CFAP77: variants seen among roughly 807,000 people sequenced by gnomAD.
CFAP77 encodes cilia- and flagella-associated protein 77.
A neutral mutation model predicts 31.1 loss-of-function variants in CFAP77; 25 were observed. The ratio of observed to expected loss-of-function variants is 0.80; its 90% CI spans 0.59 to 1.12. The LOEUF (loss-of-function observed/expected upper bound fraction) is 1.12. Among genes scored for constraint, CFAP77 ranks in the 50% most tolerant of loss-of-function variants. CFAP77 has a pLI of 0.00. For missense variants in CFAP77, 377 were observed against 397.3 expected (o/e 0.95, Z 0.44); for synonymous variants, 151 against 159.9 (o/e 0.94, Z 0.42).
intron 3 of CFAP77, among the ~76,000 whole-genome samples, chr9:132,502,556 T>C (rs1851869198): frequency 6.6e-6 from 1 of 152,182 alleles, no homozygotes; most frequent in Non-Finnish European, 1.5e-5. Context: ...TCTAGAGATC[T>C]CATATGCACG....
intron 3 of CFAP77, among the ~76,000 whole-genome samples, chr9:132,519,855 G>T (rs1372631021): frequency 9.0e-6 from 1 of 111,382 alleles, no homozygotes; most frequent in African/African-American, 3.1e-5. Flanking sequence ...TGGGTGGGTG[G>T]GTGGATGAAT....
chr9:132,530,226 A>T (rs534046109), intron 3 of CFAP77, among the ~76,000 whole-genome samples: 3 of 148,420 alleles, frequency 2.0e-5, no homozygotes, highest in Non-Finnish European at 3.0e-5. Flanking sequence ...TGGACTCTCA[A>T]CATGGGGGGA....
chr9:132,498,964 A>G lies in CFAP77; in HGVS notation c.295+170A>G, dbSNP rs1321612828. On this transcript the variant is annotated intron_variant, in intron 2 of 5. Transcript: ENST00000393216. This position sits in a 1 kb window ranked among gnomAD's most constrained non-coding sequence, Gnocchi z 4.2. ...TGGTAAAACCCAGGAAGTGGCCCAG[A>G]TGGGGAGGGCCAAGCAGGGCCCTGG... 1.3e-5 allele frequency among the ~76,000 whole-genome samples: 2 copies of G among 152,188 alleles called. No homozygotes were observed. Among genetic ancestry groups the G allele is most frequent in the African/African-American group, 4.8e-5 (2 of 41,450 alleles).
intron 1 of CFAP77, among the ~76,000 whole-genome samples, chr9:132,431,035 T>C (rs879261620): frequency 4.6e-5 from 7 of 152,118 alleles, no homozygotes; most frequent in Admixed American, 1.3e-4. Context: ...GAAGACAGAA[T>C]TGGAGCAACC....
intron 1 of CFAP77, among the ~76,000 whole-genome samples, chr9:132,465,061 G>A (rs57395578): frequency 0.018 from 2,346 of 133,224 alleles, 73 homozygotes; most frequent in African/African-American, 0.063. Flanking sequence ...GCGACAGAGC[G>A]AGACTCTGTC....
chr9:132,451,338 TAAAAAAAA>T (rs34713934), intron 1 of CFAP77, among the ~76,000 whole-genome samples: 6 of 131,348 alleles, frequency 4.6e-5, no homozygotes, highest in African/African-American at 1.7e-4. Context: ...AACTCCATCT[TAAAAAAAA>T]AAAAAAAAAA....
Position 132,564,879 on chromosome 9 carries a change from G to T in CFAP77, c.733-7509G>T, listed in dbSNP as rs1829864881. On this transcript the variant is annotated intron_variant, in intron 5 of 5. Coordinates refer to ENST00000393216, the MANE Select transcript of CFAP77 (RefSeq NM_001282957.2). The surrounding 1 kb of genome is among the most constrained non-coding windows in gnomAD (Gnocchi z 4.6). ...GTGAGACCTCCGTTCAGGGACTGCG[G>T]TGCTGAGGAAGGGGCCTGCTGTCTG... 6.6e-6 allele frequency among the ~76,000 whole-genome samples: 1 copy of T among 152,194 alleles called. No individual in the cohort carries two copies. Among genetic ancestry groups the T allele is most frequent in the Non-Finnish European group, 1.5e-5 (1 of 68,042 alleles).
intron 1 of CFAP77, among the ~76,000 whole-genome samples, chr9:132,467,137 T>C (rs1851166064): frequency 6.6e-6 from 1 of 152,184 alleles, no homozygotes; most frequent in Admixed American, 6.5e-5. Context: ...GAGATCGCAC[T>C]ACTGCACTCC....
chr9:132,523,419 G>T (rs571733905), intron 3 of CFAP77, among the ~76,000 whole-genome samples: 2 of 152,104 alleles, frequency 1.3e-5, no homozygotes, highest in Non-Finnish European at 2.9e-5. Context: ...ACCCACGTTT[G>T]TGCAGAGGCA....
In CFAP77 at chr9:132,424,836, C is replaced by G. The variant is rs952008425; in HGVS notation, c.195+14370C>G. On this transcript the variant is annotated intron_variant, in intron 1 of 5. Coordinates refer to ENST00000393216, the MANE Select transcript of CFAP77 (RefSeq NM_001282957.2). The surrounding 1 kb of genome is among the most constrained non-coding windows in gnomAD (Gnocchi z 4.1). The stretch of plus-strand genomic sequence containing the variant: ...TCAAGGCTGAGCAGAGCGGCCTCCC[C>G]CTTTTCAAAGGAAAGGCATCCCCTC... 1.3e-5 allele frequency among the ~76,000 whole-genome samples: 2 copies of G among 152,220 alleles called. No individual in the cohort carries two copies. Among genetic ancestry groups the G allele is most frequent in the African/African-American group, 2.4e-5 (1 of 41,454 alleles).
At chr9:132,437,919 T>C (rs925135226) in intron 1 of CFAP77, among the ~76,000 whole-genome samples, 32 of 151,038 alleles carry the variant, frequency 2.1e-4, no homozygotes, top group African/African-American at 7.5e-4. Context: ...CAGAGAAAAG[T>C]GAGACATTGG....
At chr9:132,462,055 C>T (rs961953685) in intron 1 of CFAP77, among the ~76,000 whole-genome samples, 3 of 152,078 alleles carry the variant, frequency 2.0e-5, no homozygotes, top group Non-Finnish European at 4.4e-5. Context: ...ATTTTATGGG[C>T]GAGAAGAAAG....
rs1270230571 is a variant in CFAP77, at chr9:132,498,093, C to T, written c.196-602C>T. On this transcript the variant is annotated intron_variant, in intron 1 of 5. Transcript: ENST00000393216. The surrounding 1 kb of genome is among the most constrained non-coding windows in gnomAD (Gnocchi z 4.2). Reference sequence around the variant, plus strand: ...ACAGGGCAATTTCATTTGCACAAACCACCTCTGAGAGGCCAAGGAGTTCCC... The same window carrying T: ...ACAGGGCAATTTCATTTGCACAAACTACCTCTGAGAGGCCAAGGAGTTCCC... Among the ~76,000 whole-genome samples, 1 of 152,064 alleles carries T rather than the reference C, an allele frequency of 6.6e-6. No homozygotes were observed. Among genetic ancestry groups the T allele is most frequent in the African/African-American group, 2.4e-5 (1 of 41,388 alleles).
At chr9:132,485,928 A>G (rs1043915595) in intron 1 of CFAP77, among the ~76,000 whole-genome samples, 1 of 139,800 alleles carries the variant, frequency 7.2e-6, no homozygotes, top group Non-Finnish European at 1.5e-5. Context: ...CGAGCATACA[A>G]GTGTCATTCA....
chr9:132,478,757 C>A (rs1851395931), intron 1 of CFAP77, among the ~76,000 whole-genome samples: 1 of 152,206 alleles, frequency 6.6e-6, no homozygotes, highest in Non-Finnish European at 1.5e-5. Flanking sequence ...TGATGGAGTT[C>A]ATTTGCATTT....
rs1850068505 is a variant in CFAP77, at chr9:132,414,782, C to A, written c.195+4316C>A. Among the ~76,000 whole-genome samples, 2 of 152,192 alleles carry A rather than the reference C, an allele frequency of 1.3e-5. 1 individual carries two copies. The highest frequency in any genetic ancestry group is 4.1e-4 in the South Asian group (2 of 4,830). On this transcript the variant is annotated intron_variant, in intron 1 of 5. Coordinates refer to ENST00000393216, the MANE Select transcript of CFAP77 (RefSeq NM_001282957.2). Reference sequence around the variant, plus strand: ...TCACCCCAACTTGAGTCCTAGTTTACAAGACCCAGTGCTGCCGCTGGGATC... The same window carrying A: ...TCACCCCAACTTGAGTCCTAGTTTAAAAGACCCAGTGCTGCCGCTGGGATC...
At chr9:132,447,645 C>A (rs767434233) in intron 1 of CFAP77, among the ~76,000 whole-genome samples, 1 of 152,344 alleles carries the variant, frequency 6.6e-6, no homozygotes. Context: ...GCCGTGTGTT[C>A]GGACCTAACA....
chr9:132,520,110 G>A (rs961479507), intron 3 of CFAP77, among the ~76,000 whole-genome samples: 7 of 138,098 alleles, frequency 5.1e-5, no homozygotes, highest in African/African-American at 1.7e-4. Context: ...CTGCTACACC[G>A]CAACAGTGTC....
At chr9:132,494,813 C>T (rs977398323) in intron 1 of CFAP77, among the ~76,000 whole-genome samples, 14 of 152,214 alleles carry the variant, frequency 9.2e-5, no homozygotes, top group Admixed American at 2.0e-4. Flanking sequence ...GCCACTGGGA[C>T]ATCCTCTTAA....
Sources: gnomAD v4.1 joint callset for allele counts (sites outside exome capture counted in the v4.1 genomes callset) on GRCh38, gnomAD v4.1.1 for gene constraint, Gnocchi (gnomAD v3.1) non-coding constraint, MANE v1.5 for transcripts, NCBI Gene and HGNC (gene_info 2026-07-23, HGNC 2026-07-21) for gene names.